WASL: variants seen among roughly 807,000 people sequenced by gnomAD.
WASL encodes the protein WASP like actin nucleation promoting factor, also known as actin nucleation-promoting factor WASL.
WASL carries 20 observed loss-of-function variants against 55.5 expected under a neutral mutation model. That is an observed-to-expected ratio of 0.36 (90% CI 0.25 to 0.52). WASL has a LOEUF of 0.52. Among genes scored for constraint, WASL ranks in the 20% least tolerant of loss-of-function variants. The probability of loss-of-function intolerance (pLI) is 0.92; values close to 1 mark genes in which losing one functional copy is unlikely to be tolerated. For synonymous variants in WASL, 249 were observed against 217.6 expected, an observed-to-expected ratio of 1.14 and a Z score of -1.27; for missense variants, 504 against 622.5, an observed-to-expected ratio of 0.81 and a Z score of 2.03.
At chr7:123,720,338 CA>C (rs1562962856) in intron 1 of WASL, 2 of 381,456 alleles carry the variant, frequency 5.2e-6, no homozygotes, top group African/African-American at 5.3e-5. Context: ...GGATACCATA[CA>C]GCTGCAAAAA....
chr7:123,748,565 C>G (rs916389521), intron 1 of WASL, 53 bp downstream of exon 1: 7 of 1,589,298 alleles, frequency 4.4e-6, no homozygotes, highest in Non-Finnish European at 6.0e-6. Flanking sequence ...GGCCCCCAAG[C>G]CCGGGCCCGT....
intron 1 of WASL, among the ~76,000 whole-genome samples, chr7:123,748,124 C>T (rs1043294146): frequency 6.6e-6 from 1 of 152,078 alleles, no homozygotes; most frequent in Admixed American, 6.5e-5. Context: ...CTCTTGCACT[C>T]GACTTCATTC....
intron 1 of WASL, among the ~76,000 whole-genome samples, chr7:123,744,450 C>A (rs1804396742): frequency 6.6e-6 from 1 of 152,072 alleles, no homozygotes; most frequent in South Asian, 2.1e-4. Context: ...TAAAGTCTAT[C>A]TCCAAGAATT....
At chr7:123,725,847 G>A (rs1384937635) in intron 1 of WASL, among the ~76,000 whole-genome samples, 1 of 152,114 alleles carries the variant, frequency 6.6e-6, no homozygotes, top group Non-Finnish European at 1.5e-5. Flanking sequence ...CTTCTGGAAG[G>A]GGGAGGTGGG....
chr7:123,696,343 TTTC>T (rs1341916504), intron 6 of WASL, among the ~76,000 whole-genome samples: 6 of 152,010 alleles, frequency 3.9e-5, no homozygotes, highest in African/African-American at 9.6e-5. Flanking sequence ...TTATCTAATT[TTTC>T]TTTTCTCATA....
chr7:123,712,741 TA>T (rs1803778471), intron 1 of WASL, among the ~76,000 whole-genome samples: 2 of 152,192 alleles, frequency 1.3e-5, no homozygotes, highest in Non-Finnish European at 2.9e-5. Context: ...CTATATATGT[TA>T]GCCACTGCTG....
chr7:123,693,026 T>A (rs1270175007), intron 8 of WASL, among the ~76,000 whole-genome samples, 159 bp from the exon 9 acceptor site: 2 of 152,210 alleles, frequency 1.3e-5, no homozygotes, highest in Non-Finnish European at 2.9e-5. Flanking sequence ...ACAGATGATA[T>A]CTCACAATTT....
intron 1 of WASL, among the ~76,000 whole-genome samples, chr7:123,741,853 A>G (rs1804347505): frequency 6.6e-6 from 1 of 152,184 alleles, no homozygotes; most frequent in Admixed American, 6.6e-5. Context: ...GCTCCTCTGT[A>G]CTTTGGCCAA....
At chr7:123,707,747 T>G in intron 2 of WASL, among the ~76,000 whole-genome samples, 1 of 152,218 alleles carries the variant, frequency 6.6e-6, no homozygotes, top group Non-Finnish European at 1.5e-5. Flanking sequence ...TCAAAGCACT[T>G]GGGGGTTTCT....
chr7:123,736,952 A>T (rs368178547), intron 1 of WASL, among the ~76,000 whole-genome samples: 1 of 152,206 alleles, frequency 6.6e-6, no homozygotes, highest in South Asian at 2.1e-4. Context: ...ATCAAACTGT[A>T]TCATCATTAT....
chr7:123,691,597 A>T (rs891510853), intron 9 of WASL, among the ~76,000 whole-genome samples: 2 of 152,152 alleles, frequency 1.3e-5, no homozygotes, highest in African/African-American at 4.8e-5. Context: ...AGTGGTCACA[A>T]GAGGCCATAC....
chr7:123,718,146 A>G, intron 1 of WASL, among the ~76,000 whole-genome samples: 1 of 152,210 alleles, frequency 6.6e-6, no homozygotes, highest in East Asian at 1.9e-4. Context: ...ACTTGTCTAA[A>G]TTTTGTGAAG....
chr7:123,740,782 G>T (rs1804328045), intron 1 of WASL, among the ~76,000 whole-genome samples: 1 of 151,996 alleles, frequency 6.6e-6, no homozygotes, highest in African/African-American at 2.4e-5. Context: ...TAGAGATTAG[G>T]TCTATGTTGC....
rs934794022 is a variant in WASL at position 123,694,873 on chromosome 7, A to G, written c.673-5T>C. On this transcript the variant is annotated splice_region_variant and splice_polypyrimidine_tract_variant and intron_variant, in intron 7 of 10. Transcript: ENST00000223023. The stretch of plus-strand genomic sequence containing the variant: ...TTCTGGATCCAAATTATTCAGCTAC[A>G]AAAGAAAGTAACTGCTAACTATAAA... 6.3e-7 allele frequency: 1 copy of G among 1,599,548 alleles called. No individual in the cohort carries two copies. The highest frequency in any genetic ancestry group is 1.8e-5 in the Admixed American group (1 of 56,264).
At chr7:123,692,207 G>GT in intron 9 of WASL, 140 bp downstream of exon 9, 1 of 1,223,100 alleles carries the variant, frequency 8.2e-7, no homozygotes, top group East Asian at 2.6e-5. Context: ...GCATGTAAAA[G>GT]TATTTTTAAA....
chr7:123,693,595 AC>A (rs1803447376), intron 8 of WASL, among the ~76,000 whole-genome samples: 1 of 152,232 alleles, frequency 6.6e-6, no homozygotes, highest in Non-Finnish European at 1.5e-5. Context: ...AAAGTTATTA[AC>A]AAAAATTACT....
intron 1 of WASL, among the ~76,000 whole-genome samples, chr7:123,737,159 A>AAG (rs1273544067): frequency 1.3e-5 from 2 of 151,962 alleles, no homozygotes; most frequent in Non-Finnish European, 2.9e-5. Flanking sequence ...CTTTTAAAAA[A>AAG]TTGCAAAAAA....
chr7:123,724,309 C>A (rs1015737116), intron 1 of WASL, among the ~76,000 whole-genome samples: 4 of 152,202 alleles, frequency 2.6e-5, no homozygotes, highest in African/African-American at 9.6e-5. Flanking sequence ...TGCAGACCCC[C>A]AAACATATCA....
At chr7:123,745,772 C>A (rs986933689) in intron 1 of WASL, among the ~76,000 whole-genome samples, 4 of 151,998 alleles carry the variant, frequency 2.6e-5, no homozygotes, top group Non-Finnish European at 4.4e-5. Flanking sequence ...AGAGCCCAAG[C>A]AGAAGCCCTC....
Sources: gnomAD v4.1 joint callset for allele counts (sites outside exome capture counted in the v4.1 genomes callset) on GRCh38, gnomAD v4.1.1 for gene constraint, MANE v1.5 for transcripts, NCBI Gene and HGNC (gene_info 2026-07-23, HGNC 2026-07-21) for gene names.